MYT1L: variants seen among roughly 807,000 people sequenced by gnomAD.
MYT1L encodes the protein myelin transcription factor 1-like protein.
Under a neutral mutation model 126.7 loss-of-function variants are expected in MYT1L, and 12 were observed. The ratio of observed to expected loss-of-function variants is 0.09; its 90% CI spans 0.06 to 0.15. MYT1L has a LOEUF of 0.15. MYT1L is among the 10% of genes least tolerant of loss of function. The pLI is 1.00. For synonymous variants in MYT1L, 541 were observed against 604.2 expected (o/e 0.90, Z 1.53); for missense variants, 979 against 1,585.2 (o/e 0.62, Z 6.49).
intron 8 of MYT1L, among the ~76,000 whole-genome samples, chr2:1,955,216 A>AT (rs2058241195): frequency 6.6e-6 from 1 of 152,030 alleles, no homozygotes; most frequent in Admixed American, 6.6e-5. Context: ...TGCAGAAAAA[A>AT]AAAAATGGCT....
Position 1,922,947 on chromosome 2 carries a change from A to G in MYT1L, c.822T>C (p.Val274=). ...TGTCATTCATGTTTTCTGAGAGCAC[A>G]ACACCGTGTCCTTGGGCTAATAGTT... ...SLKLLAQGHG[V]VLSENMNDRN... is the part of the protein sequence containing the mutation. The change falls in exon 10 of 25, where the codon GTT becomes GTC. Residue 274 remains valine, a synonymous_variant. Coordinates refer to ENST00000647738, the MANE Select transcript of MYT1L (RefSeq NM_001303052.2). The surrounding 1 kb of genome is among the most constrained non-coding windows in gnomAD (Gnocchi z 7.4). 1 of 1,614,060 alleles carries G rather than the reference A, an allele frequency of 6.2e-7. No homozygotes were observed. The highest frequency in any genetic ancestry group is 8.5e-7 in the Non-Finnish European group (1 of 1,179,896).
intron 4 of MYT1L, among the ~76,000 whole-genome samples, chr2:2,041,786 GTA>G (rs778382637): frequency 3.9e-5 from 6 of 152,188 alleles, no homozygotes; most frequent in Non-Finnish European, 7.3e-5. Flanking sequence ...ATCTGCAGCT[GTA>G]TCTAGCCAAA....
At chr2:2,117,178 T>C (rs2080322652) in intron 3 of MYT1L, among the ~76,000 whole-genome samples, 2 of 152,208 alleles carry the variant, frequency 1.3e-5, no homozygotes, top group African/African-American at 4.8e-5. Context: ...AATTTTGTTT[T>C]CCCGTCATTG....
chr2:1,817,409 G>A (rs781090923), intron 21 of MYT1L, among the ~76,000 whole-genome samples: 1 of 152,170 alleles, frequency 6.6e-6, no homozygotes, highest in African/African-American at 2.4e-5. Flanking sequence ...ACAGTCTCAC[G>A]CTGCTTCTCT....
chr2:1,909,631 C>A (rs546202702), intron 13 of MYT1L, among the ~76,000 whole-genome samples: 1 of 152,278 alleles, frequency 6.6e-6, no homozygotes, highest in East Asian at 1.9e-4. Flanking sequence ...GGATGATCTG[C>A]GACATTGTAA....
Position 2,298,682 on chromosome 2 carries a change from C to T in MYT1L, c.-520-14179G>A, listed in dbSNP as rs2095737059. 2.0e-5 allele frequency among the ~76,000 whole-genome samples: 3 copies of T among 152,064 alleles called. No homozygotes were observed. The South Asian group carries it at 6.2e-4, about 32-fold the overall frequency. On this transcript the variant is annotated intron_variant, in intron 1 of 24. Coordinates refer to ENST00000647738, the MANE Select transcript of MYT1L (RefSeq NM_001303052.2). ...CAGGGGAACATGAGCTTCCACAAGT[C>T]CCTGTGCCACCAGCAGCTTCCTGGT...
Position 2,266,488 on chromosome 2 carries a change from G to A in MYT1L, c.-421+17916C>T, listed in dbSNP as rs560307653. On this transcript the variant is annotated intron_variant, in intron 2 of 24. Transcript: ENST00000647738. ...GCCCAAAGTAGTAAAAATATTGATG[G>A]GGGTGGGGTGGGGTGAGGGACCACA... is the stretch of plus-strand genomic sequence containing the variant. Among the ~76,000 whole-genome samples the A allele has an allele frequency of 2.4e-4, 36 of 152,274 alleles. No individual in the cohort carries two copies. In the South Asian group the frequency reaches 7.5e-3, roughly 32 times the overall value.
chr2:2,229,898 C>G (rs1181890067), intron 2 of MYT1L, among the ~76,000 whole-genome samples: 1 of 152,164 alleles, frequency 6.6e-6, no homozygotes. Flanking sequence ...ACCACATTTA[C>G]AATTTTATTA....
chr2:1,903,917 A>T (rs2050678264), intron 13 of MYT1L, among the ~76,000 whole-genome samples: 1 of 152,116 alleles, frequency 6.6e-6, no homozygotes. Flanking sequence ...TCACTCATAG[A>T]CACCATGTCG....
intron 9 of MYT1L, among the ~76,000 whole-genome samples, chr2:1,924,739 T>C (rs933101519): frequency 2.0e-5 from 3 of 152,256 alleles, no homozygotes; most frequent in African/African-American, 2.4e-5. Flanking sequence ...ATTGCCCTTC[T>C]TCTGGATAAT....
At chr2:2,125,972 G>A (rs1174018310) in intron 3 of MYT1L, among the ~76,000 whole-genome samples, 1 of 152,196 alleles carries the variant, frequency 6.6e-6, no homozygotes, top group Non-Finnish European at 1.5e-5. Flanking sequence ...ATTTTCCTGT[G>A]GAGCACACTG....
intron 18 of MYT1L, chr2:1,885,335 G>C (rs558413471): frequency 1.3e-5 from 2 of 152,786 alleles, no homozygotes; most frequent in South Asian, 4.1e-4. Flanking sequence ...CACTGTTTTG[G>C]ATGAGGCTAC....
chr2:1,903,637 C>A (rs2050632456), intron 13 of MYT1L, among the ~76,000 whole-genome samples: 1 of 152,066 alleles, frequency 6.6e-6, no homozygotes, highest in South Asian at 2.1e-4. Flanking sequence ...AATTTCTTTG[C>A]AACGGTTACA....
chr2:1,828,450 T>C, intron 21 of MYT1L: 1 of 152,312 alleles, frequency 6.6e-6, no homozygotes, highest in Non-Finnish European at 1.5e-5. Flanking sequence ...CACCTCCCTC[T>C]TGGGATCCTC....
At chr2:2,113,033 G>A (rs1252545809) in intron 3 of MYT1L, among the ~76,000 whole-genome samples, 1 of 152,174 alleles carries the variant, frequency 6.6e-6, no homozygotes, top group Non-Finnish European at 1.5e-5. Context: ...GCCACGACGA[G>A]GAGCATAAGG....
chr2:1,796,935 G>GT (rs1308955600), intron 23 of MYT1L, among the ~76,000 whole-genome samples: 6 of 150,700 alleles, frequency 4.0e-5, no homozygotes, highest in African/African-American at 9.7e-5. Flanking sequence ...CGGCAGTTTT[G>GT]TTTTTTTCCG....
intron 4 of MYT1L, among the ~76,000 whole-genome samples, chr2:2,039,004 T>A (rs1363124083): frequency 6.6e-6 from 1 of 152,166 alleles, no homozygotes; most frequent in Non-Finnish European, 1.5e-5. Context: ...CCACCCTCTC[T>A]GCCGATGAGG....
At chr2:1,898,101 T>C (rs2049861018) in intron 14 of MYT1L, among the ~76,000 whole-genome samples, 3 of 152,220 alleles carry the variant, frequency 2.0e-5, no homozygotes, top group Non-Finnish European at 1.5e-5. Flanking sequence ...GCTTGTGAAA[T>C]TCTTACTAAA....
chr2:2,274,889 A>C (rs149803554), intron 2 of MYT1L, among the ~76,000 whole-genome samples: 4,038 of 152,218 alleles, frequency 0.027, 82 homozygotes, highest in Non-Finnish European at 0.036. Flanking sequence ...CTCATTCCAT[A>C]AGACCCCGAG....
Sources: gnomAD v4.1 joint callset for allele counts (sites outside exome capture counted in the v4.1 genomes callset) on GRCh38, gnomAD v4.1.1 for gene constraint, Gnocchi (gnomAD v3.1) non-coding constraint, MANE v1.5 for transcripts, NCBI Gene and HGNC (gene_info 2026-07-23, HGNC 2026-07-21) for gene names.